CAST: variants seen among roughly 807,000 people sequenced by gnomAD.
The protein encoded by CAST is MIR583 host.
Under a neutral mutation model 119.6 loss-of-function variants are expected in CAST, and 76 were observed. That is an observed-to-expected ratio of 0.64 (90% confidence interval 0.53 to 0.77). The LOEUF is 0.77. Among genes scored for constraint, CAST ranks in the 30% least tolerant of loss-of-function variants. The pLI is 0.00. For missense variants in CAST, 953 were observed against 946.5 expected (o/e 1.01, Z -0.09); for synonymous variants, 319 against 331.6 (o/e 0.96, Z 0.41).
chr5:96,709,743 A>G (rs1015521153), intron 3 of CAST, among the ~76,000 whole-genome samples: 2 of 151,926 alleles, frequency 1.3e-5, no homozygotes, highest in Admixed American at 1.3e-4. Flanking sequence ...TGCTTTTTAG[A>G]CTCCTGTTCT....
At chr5:96,133,549 A>G in the CAST span, among the ~76,000 whole-genome samples, 1 of 152,160 alleles carries the variant, frequency 6.6e-6, no homozygotes, top group African/African-American at 2.4e-5. Context: ...GGTATAACTG[A>G]AATGTGTTTC....
At chr5:96,188,445 C>T in the CAST span, among the ~76,000 whole-genome samples, 1 of 152,036 alleles carries the variant, frequency 6.6e-6, no homozygotes, top group African/African-American at 2.4e-5. Flanking sequence ...CACTACTCAA[C>T]TTTTTTCCCA....
chr5:96,592,115 G>T (rs185741295), intron 1 of CAST, among the ~76,000 whole-genome samples: 1 of 152,320 alleles, frequency 6.6e-6, no homozygotes, highest in East Asian at 1.9e-4. Context: ...ACCCAGCTAT[G>T]GCCGGGTGCG....
At chr5:96,469,052 T>G in the CAST span, among the ~76,000 whole-genome samples, 3 of 152,116 alleles carry the variant, frequency 2.0e-5, no homozygotes, top group African/African-American at 7.2e-5. Flanking sequence ...ATAACTATTA[T>G]GGAAGAACAC....
intron 1 of CAST, among the ~76,000 whole-genome samples, chr5:96,623,628 T>C (rs1747662928): frequency 6.6e-6 from 1 of 152,212 alleles, no homozygotes; most frequent in Non-Finnish European, 1.5e-5. Context: ...TCCTTTCTCC[T>C]CTGACATTAT....
At chr5:96,271,015 A>G in the CAST span, among the ~76,000 whole-genome samples, 3 of 147,420 alleles carry the variant, frequency 2.0e-5, no homozygotes, top group African/African-American at 7.5e-5. Context: ...AAAAATGAAG[A>G]AAGCAACCCC....
chr5:96,019,888 C>T, the CAST span, among the ~76,000 whole-genome samples: 2 of 152,170 alleles, frequency 1.3e-5, no homozygotes, highest in African/African-American at 2.4e-5. Flanking sequence ...TGAGTAAATG[C>T]GATTTCCAAA....
At chr5:96,501,809 T>A in the CAST span, among the ~76,000 whole-genome samples, 213 of 152,328 alleles carry the variant, frequency 1.4e-3, no homozygotes, top group African/African-American at 5.1e-3. Context: ...GGTGATCCCA[T>A]AGGATTATGA....
the CAST span, among the ~76,000 whole-genome samples, chr5:96,505,208 G>A: frequency 2.0e-5 from 3 of 152,164 alleles, no homozygotes; most frequent in African/African-American, 7.2e-5. Flanking sequence ...ATAAAACCAC[G>A]CCTCATTTTC....
the CAST span, among the ~76,000 whole-genome samples, chr5:96,219,660 G>A: frequency 4.6e-5 from 7 of 151,636 alleles, no homozygotes; most frequent in South Asian, 2.1e-4. Flanking sequence ...AACAAAGTGC[G>A]GCCTTGTCTC....
chr5:96,240,558 T>G, the CAST span, among the ~76,000 whole-genome samples: 1 of 151,942 alleles, frequency 6.6e-6, no homozygotes, highest in Non-Finnish European at 1.5e-5. Flanking sequence ...GAAATATTCA[T>G]TTTTTTATTA....
chr5:96,391,079 T>G, the CAST span: 1 of 152,290 alleles, frequency 6.6e-6, no homozygotes, highest in Non-Finnish European at 1.5e-5. Context: ...TTAATACTTT[T>G]TGATATGCTC....
chr5:96,609,410 C>T (rs533711126), intron 1 of CAST, among the ~76,000 whole-genome samples: 101 of 126,168 alleles, frequency 8.0e-4, no homozygotes, highest in African/African-American at 3.4e-3. Context: ...CCATTTAAAG[C>T]GGTGCTTTCC....
intron 1 of CAST, among the ~76,000 whole-genome samples, chr5:96,626,704 A>C (rs1202896758): frequency 6.6e-6 from 1 of 151,996 alleles, no homozygotes; most frequent in Non-Finnish European, 1.5e-5. Context: ...TTACCATTTA[A>C]TTTTCTTCAT....
intron 22 of CAST, 117 bp from the exon 23 acceptor site, chr5:96,757,327 A>C: frequency 1.1e-6 from 1 of 922,608 alleles, no homozygotes; most frequent in Non-Finnish European, 1.8e-6. Context: ...TGATGGATCT[A>C]ATTTAAAATG....
intron 1 of CAST, among the ~76,000 whole-genome samples, chr5:96,621,049 T>A (rs1305581841): frequency 6.6e-6 from 1 of 152,176 alleles, no homozygotes; most frequent in South Asian, 2.1e-4. Flanking sequence ...TACCCCTCCT[T>A]CAACCTCCTC....
the CAST span, among the ~76,000 whole-genome samples, chr5:96,126,521 C>T: frequency 6.6e-6 from 1 of 151,838 alleles, no homozygotes; most frequent in African/African-American, 2.4e-5. Context: ...AAAACCTCAT[C>T]TTTTTTTTCC....
At chr5:96,707,653 T>C (rs1315786837) in intron 3 of CAST, among the ~76,000 whole-genome samples, 1 of 152,166 alleles carries the variant, frequency 6.6e-6, no homozygotes, top group Non-Finnish European at 1.5e-5. Context: ...GGAAGGTCTC[T>C]AATGAACTAA....
At chr5:95,963,312 C>T in the CAST span, among the ~76,000 whole-genome samples, 7 of 152,212 alleles carry the variant, frequency 4.6e-5, no homozygotes, top group South Asian at 2.1e-4. Flanking sequence ...CCCCACCGTA[C>T]GGGTACACTC....
Sources: allele counts gnomAD v4.1 joint callset (sites outside exome capture counted in the v4.1 genomes callset), GRCh38; gene constraint gnomAD v4.1.1; transcripts MANE v1.5; gene names NCBI Gene and HGNC (gene_info 2026-07-23, HGNC 2026-07-21).